Variants in FGD4 observed in about 807,000 individuals in gnomAD.
The protein encoded by FGD4 is FYVE, RhoGEF and PH domain containing 4.
FGD4 carries 42 observed loss-of-function variants against 102.0 expected under a neutral mutation model. The observed-to-expected ratio is 0.41, with a 90% CI of 0.32 to 0.53. FGD4 has a LOEUF of 0.53. Among genes scored for constraint, FGD4 ranks in the 20% least tolerant of loss-of-function variants. The pLI, the probability that FGD4 is intolerant of heterozygous loss-of-function variation, is 0.21. For synonymous variants in FGD4, 380 were observed against 375.7 expected, an observed-to-expected ratio of 1.01 and a Z score of -0.13; for missense variants, 902 against 1,078.2, an observed-to-expected ratio of 0.84 and a Z score of 2.29.
chr12:32,590,706 C>T (rs1947404343), intron 4 of FGD4, among the ~76,000 whole-genome samples: 1 of 152,228 alleles, frequency 6.6e-6, no homozygotes, highest in Non-Finnish European at 1.5e-5. Context: ...TGATAATACT[C>T]CTGCTTCACA....
At chr12:32,553,549 ACAGT>A (rs1592197001) in intron 1 of FGD4, among the ~76,000 whole-genome samples, 1 of 152,328 alleles carries the variant, frequency 6.6e-6, no homozygotes, top group East Asian at 1.9e-4. Context: ...AAGAAAGATA[ACAGT>A]CAAAGTTGCC....
At position 32,643,267 on chromosome 12, in the gene FGD4, C is replaced by T. The variant is rs1006385403; in HGVS notation, c.*2734C>T. ...ACACCAGCCACTTTTGTAATAATGG[C>T]ATCACAGTGTCATCATGTATGCAAG... On this transcript the variant is annotated 3_prime_UTR_variant, in exon 17 of 17. Coordinates refer to ENST00000534526, the MANE Select transcript of FGD4 (RefSeq NM_001370298.3). 3 of 152,584 alleles carry T rather than the reference C, an allele frequency of 2.0e-5. No homozygotes were observed. Among genetic ancestry groups the T allele is most frequent in the Middle Eastern group, 3.4e-3 (1 of 294 alleles). 9.5% of individuals were successfully genotyped at this position (152,584 alleles called of 1,614,324 possible). A position where few individuals can be genotyped will look rare whatever the true frequency, so the allele number is the denominator to read the frequency against.
At chr12:32,527,741 T>G (rs1444889898) in intron 1 of FGD4, among the ~76,000 whole-genome samples, 4 of 152,018 alleles carry the variant, frequency 2.6e-5, no homozygotes, top group African/African-American at 4.8e-5. Context: ...TCTTAGTATT[T>G]TAATGTAGTA....
At chr12:32,588,039 GT>G in intron 4 of FGD4, among the ~76,000 whole-genome samples, 1 of 152,136 alleles carries the variant, frequency 6.6e-6, no homozygotes, top group Non-Finnish European at 1.5e-5. Flanking sequence ...TTAATAAATT[GT>G]CCAAGAGGAG....
chr12:32,475,929 C>T (rs1159782504), intron 1 of FGD4, among the ~76,000 whole-genome samples: 2 of 152,166 alleles, frequency 1.3e-5, no homozygotes, highest in Non-Finnish European at 2.9e-5. Flanking sequence ...CTGAATTCTG[C>T]TTAAAAAGGA....
intron 1 of FGD4, among the ~76,000 whole-genome samples, chr12:32,470,251 C>T (rs1468353450): frequency 6.6e-6 from 1 of 151,906 alleles, no homozygotes; most frequent in Non-Finnish European, 1.5e-5. Flanking sequence ...TAAGATGGAC[C>T]AAAAGACAGG....
intron 1 of FGD4, among the ~76,000 whole-genome samples, chr12:32,442,505 G>A (rs1204186336): frequency 6.6e-6 from 1 of 150,668 alleles, no homozygotes; most frequent in Non-Finnish European, 1.5e-5. Flanking sequence ...GTGGGGTGGG[G>A]TGATAGATGG....
Position 32,489,932 on chromosome 12 carries a change from T to C in FGD4, c.167-74205T>C, listed in dbSNP as rs1386379886. Among the ~76,000 whole-genome samples the C allele has an allele frequency of 2.0e-5, 3 of 152,198 alleles. No homozygotes were observed. The East Asian group carries it at 5.8e-4, about 29-fold the overall frequency. On this transcript the variant is annotated intron_variant, in intron 1 of 16. Coordinates refer to ENST00000534526, the MANE Select transcript of FGD4 (RefSeq NM_001370298.3). ...AACATGTTTTTCTCCTCTAAGGCTT[T>C]CTTTTTTATACTTGATATCCTTTGA...
chr12:32,440,336 T>TA (rs1231485816), intron 1 of FGD4, among the ~76,000 whole-genome samples: 2 of 152,238 alleles, frequency 1.3e-5, no homozygotes, highest in African/African-American at 4.8e-5. Context: ...TGTTGTGATC[T>TA]AAGCTGTTTC....
chr12:32,432,078 T>TTA (rs1942065644), intron 1 of FGD4, among the ~76,000 whole-genome samples: 1 of 135,856 alleles, frequency 7.4e-6, no homozygotes, highest in East Asian at 2.2e-4. Context: ...TTTTTTTTTT[T>TTA]AGACAGAGTC....
At chr12:32,578,830 T>TAAA (rs552651115) in intron 3 of FGD4, among the ~76,000 whole-genome samples, 1 of 142,208 alleles carries the variant, frequency 7.0e-6, no homozygotes, top group African/African-American at 2.6e-5. Flanking sequence ...GACCCTGCCT[T>TAAA]AAAAAAAAAA....
intron 1 of FGD4, among the ~76,000 whole-genome samples, chr12:32,444,021 C>CTTTTT (rs67353121): frequency 9.2e-5 from 11 of 119,114 alleles, no homozygotes; most frequent in Non-Finnish European, 2.0e-4. Flanking sequence ...ACTTTGTTTT[C>CTTTTT]TTTTTTTTTT....
At chr12:32,492,977 G>A (rs1412799070) in intron 1 of FGD4, among the ~76,000 whole-genome samples, 1 of 152,190 alleles carries the variant, frequency 6.6e-6, no homozygotes, top group East Asian at 1.9e-4. Flanking sequence ...GTAGTTGGAT[G>A]CTTATGGACT....
chr12:32,614,956 T>G (rs1450973389), intron 10 of FGD4, among the ~76,000 whole-genome samples: 1 of 152,246 alleles, frequency 6.6e-6, no homozygotes, highest in African/African-American at 2.4e-5. Flanking sequence ...TATGACCCAC[T>G]AGTTCTACTC....
chr12:32,566,972 T>A (rs1945239424), intron 2 of FGD4, among the ~76,000 whole-genome samples: 1 of 152,218 alleles, frequency 6.6e-6, no homozygotes, highest in Non-Finnish European at 1.5e-5. Context: ...CTGTTAAGTC[T>A]GCCTTTCTTC....
At position 32,399,926 on chromosome 12, in the gene FGD4, G is replaced by C; in HGVS notation, c.133G>C (p.Ala45Pro). ...ASHLGRVGTAAFKGQVPSGAT... is the reference protein window; with the variant it reads ...ASHLGRVGTAPFKGQVPSGAT... ...GCACCTGGGACGTGTAGGGACCGCT[G>C]CCTTCAAGGGCCAGGTGCCCTCAGG... is the stretch of plus-strand genomic sequence containing the variant. The change falls in exon 1 of 17, where the codon GCC becomes CCC. Residue 45 changes from alanine (A) to proline (P), a missense_variant. Physicochemically the swap from Ala to Pro is conservative, Grantham distance 27. Coordinates refer to ENST00000534526, the MANE Select transcript of FGD4 (RefSeq NM_001370298.3). 6.6e-7 allele frequency: 1 copy of C among 1,513,570 alleles called. No individual in the cohort carries two copies. Among genetic ancestry groups the C allele is most frequent in the Non-Finnish European group, 8.8e-7 (1 of 1,137,254 alleles). The allele number at this position is 1,513,570 out of a possible 1,614,324, so 93.8% of individuals were successfully genotyped here.
chr12:32,594,198 C>G (rs1172330894), intron 4 of FGD4, among the ~76,000 whole-genome samples: 2 of 152,140 alleles, frequency 1.3e-5, no homozygotes, highest in Admixed American at 6.5e-5. Context: ...GTAAGTGAAG[C>G]TTCATCTGTA....
At chr12:32,516,279 C>T (rs879777671) in intron 1 of FGD4, among the ~76,000 whole-genome samples, 1 of 152,126 alleles carries the variant, frequency 6.6e-6, no homozygotes, top group African/African-American at 2.4e-5. Context: ...AGGAGGATTA[C>T]TCCAGGTGTG....
intron 1 of FGD4, among the ~76,000 whole-genome samples, chr12:32,560,684 C>T (rs1237781074): frequency 1.3e-5 from 2 of 151,966 alleles, no homozygotes; most frequent in Admixed American, 1.3e-4. Context: ...TGAGGACCAC[C>T]CCTGCCTTTT....
Sources: allele counts gnomAD v4.1 joint callset (sites outside exome capture counted in the v4.1 genomes callset), GRCh38; gene constraint gnomAD v4.1.1; transcripts MANE v1.5; gene names NCBI Gene and HGNC (gene_info 2026-07-23, HGNC 2026-07-21).